MOK: variants seen among roughly 807,000 people sequenced by gnomAD.
MOK encodes the protein MAPK/MAK/MRK overlapping kinase.
In MOK, 59 loss-of-function variants were observed where a neutral mutation model predicts 54.2. The ratio of observed to expected loss-of-function variants is 1.09; its 90% CI spans 0.88 to 1.35. The LOEUF (loss-of-function observed/expected upper bound fraction) is 1.35, where lower values mean the gene tolerates loss of function less well. MOK is among the 40% of genes most tolerant of loss of function. The pLI is 0.00. For synonymous variants in MOK, 210 were observed against 202.7 expected, an observed-to-expected ratio of 1.04 and a Z score of -0.31; for missense variants, 517 against 526.2, an observed-to-expected ratio of 0.98 and a Z score of 0.17.
At chr14:102,303,902 T>A (rs2072502620) in intron 1 of MOK, among the ~76,000 whole-genome samples, 1 of 152,148 alleles carries the variant, frequency 6.6e-6, no homozygotes, top group Non-Finnish European at 1.5e-5. Context: ...CATCTGAAAA[T>A]TTTCAAAACA....
At chr14:102,244,847 A>C (rs753756419) in intron 7 of MOK, among the ~76,000 whole-genome samples, 47 of 152,246 alleles carry the variant, frequency 3.1e-4, no homozygotes, top group Middle Eastern at 3.4e-3. Context: ...CTTGGTATTC[A>C]GTGGAACCTT....
intron 1 of MOK, among the ~76,000 whole-genome samples, chr14:102,304,175 C>T (rs1444565766): frequency 6.6e-6 from 1 of 152,182 alleles, no homozygotes; most frequent in African/African-American, 2.4e-5. Context: ...GCAAATTTAA[C>T]ATTATAACTA....
chr14:102,250,784 A>T, intron 7 of MOK, 28 bp downstream of exon 7: 6 of 1,604,326 alleles, frequency 3.7e-6, no homozygotes, highest in Non-Finnish European at 5.1e-6. Context: ...CGCCGCAGGA[A>T]CCAGGCAGGA....
At position 102,230,773 on chromosome 14, in the gene MOK, G is replaced by A. The variant is rs887302239; in HGVS notation, c.981+934C>T. 8.5e-5 allele frequency: 13 copies of A among 152,586 alleles called. No homozygotes were observed. The highest frequency in any genetic ancestry group is 2.9e-4 in the African/African-American group (12 of 41,458). 9.5% of individuals were successfully genotyped at this position (152,586 alleles called of 1,614,324 possible). ...CCTGTGGGATGAAGGAAGGGTCCACGGGGGGCCTGGGCAGTTGACGGAGTT... is the reference window on the plus strand; with the variant it reads ...CCTGTGGGATGAAGGAAGGGTCCACAGGGGGCCTGGGCAGTTGACGGAGTT... On this transcript the variant is annotated intron_variant, in intron 10 of 11. Transcript: ENST00000361847. This position sits in a 1 kb window ranked among gnomAD's most constrained non-coding sequence, Gnocchi z 4.1.
At chr14:102,246,788 T>A (rs760850825) in intron 7 of MOK, among the ~76,000 whole-genome samples, 3 of 152,054 alleles carry the variant, frequency 2.0e-5, no homozygotes, top group Non-Finnish European at 4.4e-5. Flanking sequence ...GTAGGAACCG[T>A]AACAACCCAC....
intron 1 of MOK, among the ~76,000 whole-genome samples, chr14:102,287,035 C>T (rs1248896243): frequency 6.6e-6 from 1 of 151,974 alleles, no homozygotes; most frequent in Non-Finnish European, 1.5e-5. Context: ...AGATATTTTC[C>T]ACAATGTTGT....
Position 102,298,394 on chromosome 14 carries a change from C to T in MOK, c.7+6568G>A, listed in dbSNP as rs546483180. Among the ~76,000 whole-genome samples, 49 of 150,216 alleles carry T rather than the reference C, an allele frequency of 3.3e-4. No individual in the cohort carries two copies. In the South Asian group the frequency reaches 8.5e-3, roughly 26 times the overall value. On this transcript the variant is annotated intron_variant, in intron 1 of 11. Transcript: ENST00000361847. ...CAATCAGCACCCTGTATCTAGCTCA[C>T]GGTTTGTAAATACACCAATCAGCAC...
intron 2 of MOK, among the ~76,000 whole-genome samples, chr14:102,279,926 G>C (rs999740486): frequency 1.3e-5 from 2 of 151,926 alleles, no homozygotes; most frequent in South Asian, 2.1e-4. Flanking sequence ...AATACTGGAG[G>C]GGGTAGGGGT....
At chr14:102,300,660 C>T (rs2072087889) in intron 1 of MOK, among the ~76,000 whole-genome samples, 1 of 152,212 alleles carries the variant, frequency 6.6e-6, no homozygotes, top group Admixed American at 6.5e-5. Flanking sequence ...TTTTTATATC[C>T]CTGCCTTCCA....
intron 1 of MOK, among the ~76,000 whole-genome samples, chr14:102,302,383 A>C (rs1424965529): frequency 6.6e-6 from 1 of 150,724 alleles, no homozygotes; most frequent in Non-Finnish European, 1.5e-5. Flanking sequence ...CACAAATGTA[A>C]ATTTTATATA....
At chr14:102,286,565 C>T (rs1485191394) in intron 1 of MOK, among the ~76,000 whole-genome samples, 2 of 151,934 alleles carry the variant, frequency 1.3e-5, no homozygotes, top group East Asian at 1.9e-4. Context: ...GAGTAGGGAT[C>T]GCACTACTAT....
rs778124086 is a variant in MOK, at chr14:102,283,528, C to T, written c.72G>A (p.Leu24=). 6.2e-7 allele frequency: 1 copy of T among 1,612,680 alleles called. No homozygotes were observed. The highest frequency in any genetic ancestry group is 1.1e-5 in the South Asian group (1 of 90,982). ...TACATGCATAGTAGTTTCCATCTCT[C>T]AGGCTTTGCATCTTCATAACTTCAG... ...TFSEVMKMQS[L]RDGNYYACKQ... is the part of the protein sequence containing the mutation. The change falls in exon 2 of 12, where the codon CTG becomes CTA. Residue 24 remains leucine, a synonymous_variant. Transcript: ENST00000361847.
Position 102,294,074 on chromosome 14 carries a change from C to T in MOK, c.8-10482G>A, listed in dbSNP as rs188178184. 3.9e-4 allele frequency among the ~76,000 whole-genome samples: 60 copies of T among 152,076 alleles called. 1 individual carries two copies. In the Middle Eastern group the frequency reaches 0.024, roughly 61 times the overall value. On this transcript the variant is annotated intron_variant, in intron 1 of 11. Transcript: ENST00000361847. ...CAGCACTCTGGGAGGCTTAGGCAGG[C>T]GGATCACCTGATCCCAGGAGTTTGA... is the stretch of plus-strand genomic sequence containing the variant.
intron 2 of MOK, among the ~76,000 whole-genome samples, chr14:102,282,577 A>G (rs1304556884): frequency 6.6e-6 from 1 of 151,930 alleles, no homozygotes; most frequent in East Asian, 1.9e-4. Flanking sequence ...TCTATAAAAA[A>G]TACAAAAATT....
chr14:102,301,029 A>G (rs2072133911), intron 1 of MOK, among the ~76,000 whole-genome samples: 1 of 152,214 alleles, frequency 6.6e-6, no homozygotes, highest in East Asian at 1.9e-4. Context: ...CAGGAGGCAG[A>G]GGTTGCAGTG....
chr14:102,289,499 TTTTTA>T (rs895516112), intron 1 of MOK, among the ~76,000 whole-genome samples: 8 of 152,086 alleles, frequency 5.3e-5, no homozygotes, highest in Non-Finnish European at 7.3e-5. Context: ...CTGTTTTTTA[TTTTTA>T]TTTTATTTTA....
intron 7 of MOK, among the ~76,000 whole-genome samples, chr14:102,241,039 C>T (rs2065673001): frequency 6.6e-6 from 1 of 152,198 alleles, no homozygotes; most frequent in South Asian, 2.1e-4. Flanking sequence ...CTTTTGATTT[C>T]TCCATTTTAC....
At chr14:102,265,203 G>A (rs2067797191) in intron 3 of MOK, among the ~76,000 whole-genome samples, 1 of 152,196 alleles carries the variant, frequency 6.6e-6, no homozygotes, top group Non-Finnish European at 1.5e-5. Flanking sequence ...AACACAAACA[G>A]TGCTTTCCCA....
rs1196095477 is a variant in MOK, at chr14:102,232,867, C to A, written c.693-159G>T. On this transcript the variant is annotated intron_variant, in intron 8 of 11. Coordinates refer to ENST00000361847, the MANE Select transcript of MOK (RefSeq NM_014226.3). This position sits in a 1 kb window ranked among gnomAD's most constrained non-coding sequence, Gnocchi z 5.1. ...AGAACGTGCACCACCAAGAGGGACC[C>A]CTGATGTAAATGATGGGCTCTGTGT... 3.4e-6 allele frequency: 2 copies of A among 586,922 alleles called. No homozygotes were observed. 36.4% of individuals were successfully genotyped at this position (586,922 alleles called of 1,614,324 possible). A position where few individuals can be genotyped will look rare whatever the true frequency, so the allele number is the denominator to read the frequency against.
Sources: gnomAD v4.1 joint callset for allele counts (sites outside exome capture counted in the v4.1 genomes callset) on GRCh38, gnomAD v4.1.1 for gene constraint, Gnocchi (gnomAD v3.1) non-coding constraint, MANE v1.5 for transcripts, NCBI Gene and HGNC (gene_info 2026-07-23, HGNC 2026-07-21) for gene names.